The following CCDC150 variants were observed in gnomAD, a reference collection of about 807,000 sequenced individuals.
The protein encoded by CCDC150 is coiled-coil domain-containing protein 150.
A neutral mutation model predicts 156.5 loss-of-function variants in CCDC150; 151 were observed. The ratio of observed to expected loss-of-function variants is 0.97; its 90% CI spans 0.85 to 1.10. CCDC150 has a LOEUF of 1.10. CCDC150 is among the 50% of genes least tolerant of loss of function. The probability of loss-of-function intolerance (pLI) is 0.00; values close to 1 mark genes in which losing one functional copy is unlikely to be tolerated. For synonymous variants in CCDC150, 452 were observed against 429.4 expected (o/e 1.05, Z -0.65); for missense variants, 1,312 against 1,268.1 (o/e 1.03, Z -0.53).
chr2:196,642,420 A>T (rs1692282638), intron 1 of CCDC150, among the ~76,000 whole-genome samples: 1 of 152,166 alleles, frequency 6.6e-6, no homozygotes. Flanking sequence ...GGCCTACCAG[A>T]TGGGGAGGAC....
chr2:196,683,196 T>C (rs1694942852), intron 13 of CCDC150, among the ~76,000 whole-genome samples: 1 of 152,090 alleles, frequency 6.6e-6, no homozygotes, highest in South Asian at 2.1e-4. Flanking sequence ...TTCCCCTCTA[T>C]TCTCAGTTTG....
intron 2 of CCDC150, among the ~76,000 whole-genome samples, chr2:196,650,529 G>T (rs965083800): frequency 2.0e-5 from 3 of 152,190 alleles, no homozygotes; most frequent in African/African-American, 7.2e-5. Flanking sequence ...GAGGATCTGG[G>T]ATTACAGGCA....
chr2:196,656,207 G>A (rs1262469611), intron 2 of CCDC150, among the ~76,000 whole-genome samples: 1 of 152,108 alleles, frequency 6.6e-6, no homozygotes, highest in Non-Finnish European at 1.5e-5. Context: ...CACACTGTGG[G>A]GAATCTTAGA....
intron 19 of CCDC150, chr2:196,720,214 C>A: frequency 2.9e-6 from 1 of 345,774 alleles, no homozygotes; most frequent in Admixed American, 4.4e-5. Context: ...GGCATATTGC[C>A]TCTATGTTAT....
At chr2:196,684,720 T>G (rs915287972) in intron 13 of CCDC150, among the ~76,000 whole-genome samples, 1 of 152,154 alleles carries the variant, frequency 6.6e-6, no homozygotes, top group African/African-American at 2.4e-5. Flanking sequence ...TTCATATACT[T>G]GTGGCCTCTG....
chr2:196,724,174 A>G (rs945376731), intron 21 of CCDC150, among the ~76,000 whole-genome samples: 31 of 152,326 alleles, frequency 2.0e-4, no homozygotes, highest in Middle Eastern at 6.8e-3. Flanking sequence ...AGATGAATAC[A>G]TTCTAGAGAT....
At chr2:196,699,011 A>G (rs886223194) in intron 14 of CCDC150, among the ~76,000 whole-genome samples, 8 of 152,236 alleles carry the variant, frequency 5.3e-5, no homozygotes, top group Non-Finnish European at 1.0e-4. Flanking sequence ...TGTTACATTC[A>G]TGGAATGATT....
chr2:196,666,634 G>C, intron 6 of CCDC150, 85 bp from the exon 7 acceptor site: 1 of 1,119,472 alleles, frequency 8.9e-7, no homozygotes, highest in South Asian at 1.6e-5. Context: ...ATTAAGGTTG[G>C]AATGTTGCCT....
intron 22 of CCDC150, chr2:196,728,132 C>G (rs1020655620): frequency 2.0e-5 from 3 of 151,902 alleles, no homozygotes; most frequent in African/African-American, 7.3e-5. Flanking sequence ...GCAATGGGCT[C>G]AGGGAGCACT....
chr2:196,674,085 A>G (rs1212885742), intron 9 of CCDC150, among the ~76,000 whole-genome samples, 156 bp from the exon 10 acceptor site: 3 of 152,164 alleles, frequency 2.0e-5, no homozygotes, highest in African/African-American at 7.2e-5. Context: ...ATTTGGAAGT[A>G]TTTTTTAAAC....
At chr2:196,641,128 A>G (rs62185566) in intron 1 of CCDC150, among the ~76,000 whole-genome samples, 1 of 144,786 alleles carries the variant, frequency 6.9e-6, no homozygotes, top group Non-Finnish European at 1.5e-5. Context: ...ACGCCCGGCT[A>G]ATTTTTTTTT....
intron 15 of CCDC150, among the ~76,000 whole-genome samples, chr2:196,702,504 T>G (rs1696293236): frequency 6.6e-6 from 1 of 151,900 alleles, no homozygotes; most frequent in Admixed American, 6.6e-5. Context: ...GGGATTCAGG[T>G]GTGCAGCACC....
chr2:196,717,467 T>C (rs1196167314), intron 17 of CCDC150, among the ~76,000 whole-genome samples: 1 of 152,126 alleles, frequency 6.6e-6, no homozygotes, highest in Non-Finnish European at 1.5e-5. Flanking sequence ...CATAGATGAA[T>C]GAAGGTTGAA....
intron 13 of CCDC150, among the ~76,000 whole-genome samples, chr2:196,691,865 T>C (rs181263785): frequency 2.4e-4 from 37 of 152,192 alleles, no homozygotes; most frequent in Non-Finnish European, 4.1e-4. Flanking sequence ...TGCTTGAACC[T>C]GGGAGTCGGA....
intron 21 of CCDC150, among the ~76,000 whole-genome samples, chr2:196,725,054 A>G (rs1170935729): frequency 2.0e-5 from 3 of 152,160 alleles, no homozygotes; most frequent in Non-Finnish European, 4.4e-5. Flanking sequence ...AATGCTGCCA[A>G]GTGGAGAAAC....
chr2:196,709,235 C>G (rs918296098), intron 15 of CCDC150, among the ~76,000 whole-genome samples: 1 of 152,088 alleles, frequency 6.6e-6, no homozygotes, highest in Admixed American at 6.6e-5. Context: ...CTTCTCTTCT[C>G]GCTTTATTTC....
At chr2:196,662,384 G>A (rs974840507) in intron 5 of CCDC150, among the ~76,000 whole-genome samples, 1 of 152,180 alleles carries the variant, frequency 6.6e-6, no homozygotes, top group Non-Finnish European at 1.5e-5. Context: ...TTTCCATGGG[G>A]TTGTGGGGGT....
intron 22 of CCDC150, chr2:196,726,323 G>A (rs534359873): frequency 8.9e-5 from 38 of 424,868 alleles, no homozygotes; most frequent in African/African-American, 6.6e-4. Flanking sequence ...TTTTCCATCA[G>A]AGAGTGATAA....
intron 13 of CCDC150, among the ~76,000 whole-genome samples, chr2:196,687,875 T>C (rs1004383113): frequency 3.9e-5 from 6 of 152,164 alleles, no homozygotes; most frequent in African/African-American, 1.4e-4. Context: ...CCATTGCTTG[T>C]TTTTGTCAGG....
Sources: allele counts gnomAD v4.1 joint callset (sites outside exome capture counted in the v4.1 genomes callset), GRCh38; gene constraint gnomAD v4.1.1; transcripts MANE v1.5; gene names NCBI Gene and HGNC (gene_info 2026-07-23, HGNC 2026-07-21).